The following CTNND2 variants were observed in gnomAD, a reference collection of about 807,000 sequenced individuals.
The protein encoded by CTNND2 is catenin delta-2.
Under a neutral mutation model 144.4 loss-of-function variants are expected in CTNND2, and 22 were observed. The ratio of observed to expected loss-of-function variants is 0.15; its 90% CI spans 0.11 to 0.22. The LOEUF is 0.22. CTNND2 is among the 10% of genes least tolerant of loss of function. CTNND2 has a pLI of 1.00. For synonymous variants in CTNND2, 751 were observed against 695.6 expected, an observed-to-expected ratio of 1.08 and a Z score of -1.25; for missense variants, 1,353 against 1,618.8, an observed-to-expected ratio of 0.84 and a Z score of 2.82.
At chr5:11,643,745 TATA>T (rs962036507) in intron 2 of CTNND2, among the ~76,000 whole-genome samples, 9 of 152,156 alleles carry the variant, frequency 5.9e-5, no homozygotes, top group African/African-American at 1.7e-4. Context: ...AAAAAATAAT[TATA>T]ATGTTTTTTC....
intron 5 of CTNND2, among the ~76,000 whole-genome samples, chr5:11,405,397 T>C (rs1761010888): frequency 1.3e-5 from 2 of 152,056 alleles, no homozygotes; most frequent in Admixed American, 1.3e-4. Context: ...ATCTACATGG[T>C]AGGAGGAAAT....
chr5:11,154,652 T>A (rs574373389), intron 12 of CTNND2, among the ~76,000 whole-genome samples: 62 of 152,250 alleles, frequency 4.1e-4, no homozygotes, highest in Non-Finnish European at 7.4e-4. Context: ...CCATAATAGA[T>A]TCCCAGGGCT....
At chr5:11,538,364 T>C (rs977323085) in intron 3 of CTNND2, among the ~76,000 whole-genome samples, 3 of 152,156 alleles carry the variant, frequency 2.0e-5, no homozygotes, top group Non-Finnish European at 4.4e-5. Flanking sequence ...GTAATGCCCA[T>C]TAAAAGGAAG....
chr5:11,224,841 T>C (rs1740162465), intron 10 of CTNND2, among the ~76,000 whole-genome samples: 1 of 152,240 alleles, frequency 6.6e-6, no homozygotes, highest in Non-Finnish European at 1.5e-5. Context: ...CATTCACATC[T>C]CCTTCAGATC....
chr5:11,091,897 A>C (rs1750811320), intron 15 of CTNND2, among the ~76,000 whole-genome samples: 1 of 152,080 alleles, frequency 6.6e-6, no homozygotes, highest in Non-Finnish European at 1.5e-5. Context: ...TTCTCTGTTG[A>C]ATATTTAAGG....
intron 1 of CTNND2, among the ~76,000 whole-genome samples, chr5:11,828,597 T>C (rs959373270): frequency 3.9e-5 from 6 of 152,196 alleles, no homozygotes; most frequent in African/African-American, 1.4e-4. Flanking sequence ...CTGTCACCCA[T>C]GTAAGACATA....
chr5:11,269,177 A>T (rs932760592), intron 9 of CTNND2, among the ~76,000 whole-genome samples: 1 of 152,228 alleles, frequency 6.6e-6, no homozygotes, highest in African/African-American at 2.4e-5. Context: ...GAAAAATAAC[A>T]GCAGCCAGCT....
At chr5:11,107,222 T>C (rs1002262183) in intron 14 of CTNND2, among the ~76,000 whole-genome samples, 7 of 152,234 alleles carry the variant, frequency 4.6e-5, no homozygotes. Flanking sequence ...TTAGTGCTAT[T>C]TTACTCACAT....
At chr5:11,321,582 A>C (rs551102029) in intron 9 of CTNND2, among the ~76,000 whole-genome samples, 1 of 152,346 alleles carries the variant, frequency 6.6e-6, no homozygotes, top group Non-Finnish European at 1.5e-5. Flanking sequence ...TGTATTAAAA[A>C]TGTGAAGTAG....
chr5:11,103,547 G>A (rs1468103765), intron 14 of CTNND2, among the ~76,000 whole-genome samples: 6 of 151,932 alleles, frequency 3.9e-5, no homozygotes, highest in African/African-American at 1.2e-4. Context: ...GCGCACACCT[G>A]TAATTCCAGC....
intron 7 of CTNND2, among the ~76,000 whole-genome samples, chr5:11,371,083 C>T (rs1232089100): frequency 6.6e-6 from 1 of 152,198 alleles, no homozygotes; most frequent in Non-Finnish European, 1.5e-5. Flanking sequence ...CCTTGCAAAT[C>T]TACACTGCTG....
chr5:11,239,604 C>CTT (rs1175779705), intron 9 of CTNND2, among the ~76,000 whole-genome samples: 2 of 152,350 alleles, frequency 1.3e-5, no homozygotes, highest in East Asian at 3.9e-4. Context: ...CCACACCCTA[C>CTT]TATGGCTCCC....
chr5:11,613,231 G>A (rs891867279), intron 2 of CTNND2, among the ~76,000 whole-genome samples: 2 of 152,208 alleles, frequency 1.3e-5, no homozygotes, highest in African/African-American at 4.8e-5. Context: ...TCTGTTGCAA[G>A]TAGCTTGGAT....
At chr5:11,454,954 G>GA (rs986141886) in intron 3 of CTNND2, among the ~76,000 whole-genome samples, 10 of 145,138 alleles carry the variant, frequency 6.9e-5, no homozygotes, top group African/African-American at 1.5e-4. Context: ...TTAAAAATCA[G>GA]AAAAAAAAAT....
intron 2 of CTNND2, among the ~76,000 whole-genome samples, chr5:11,724,961 T>G (rs1786925053): frequency 6.6e-6 from 1 of 152,110 alleles, no homozygotes; most frequent in African/African-American, 2.4e-5. Context: ...TCACAGTAAT[T>G]AGGCAAGTGG....
chr5:11,451,939 C>G (rs1379056588), intron 3 of CTNND2, among the ~76,000 whole-genome samples: 1 of 152,176 alleles, frequency 6.6e-6, no homozygotes, highest in South Asian at 2.1e-4. Flanking sequence ...AGCTGGCAAC[C>G]ATGGAATTCC....
intron 12 of CTNND2, among the ~76,000 whole-genome samples, chr5:11,148,726 G>T (rs1396670344): frequency 6.6e-6 from 1 of 152,160 alleles, no homozygotes; most frequent in East Asian, 1.9e-4. Flanking sequence ...ACCTTCCCAA[G>T]GCCTCTGTGT....
chr5:11,786,680 G>GA (rs1345687270), intron 1 of CTNND2, among the ~76,000 whole-genome samples: 1 of 152,146 alleles, frequency 6.6e-6, no homozygotes, highest in Non-Finnish European at 1.5e-5. Flanking sequence ...AACTGAAGGA[G>GA]AAAATGGACT....
At chr5:11,078,088 G>C (rs1749134691) in intron 16 of CTNND2, among the ~76,000 whole-genome samples, 1 of 152,130 alleles carries the variant, frequency 6.6e-6, no homozygotes, top group African/African-American at 2.4e-5. Flanking sequence ...TACCTGTTTG[G>C]AGTCACCAGA....
Sources: gnomAD v4.1 joint callset for allele counts (sites outside exome capture counted in the v4.1 genomes callset) on GRCh38, gnomAD v4.1.1 for gene constraint, MANE v1.5 for transcripts, NCBI Gene and HGNC (gene_info 2026-07-23, HGNC 2026-07-21) for gene names.